Variants in AGAP1 observed in about 807,000 individuals in gnomAD.
The protein encoded by AGAP1 is ArfGAP with GTPase domain, ankyrin repeat and PH domain 1.
AGAP1 carries 29 observed loss-of-function variants against 105.3 expected under a neutral mutation model. The observed-to-expected ratio is 0.28, with a 90% CI of 0.21 to 0.38. The LOEUF is 0.38. Ranked by LOEUF, AGAP1 falls within the 10% of genes least tolerant of loss-of-function variation. The pLI is 1.00. For missense variants in AGAP1, 998 were observed against 1,165.1 expected (o/e 0.86, Z 2.09); for synonymous variants, 509 against 485.9 (o/e 1.05, Z -0.63).
intron 9 of AGAP1, among the ~76,000 whole-genome samples, chr2:235,857,144 A>G (rs976318570): frequency 6.6e-6 from 1 of 152,176 alleles, no homozygotes; most frequent in Non-Finnish European, 1.5e-5. Flanking sequence ...CCACACAGCA[A>G]GAGGTGAGCG....
Position 235,843,586 on chromosome 2 carries a change from G to A in AGAP1, c.1050+36255G>A, listed in dbSNP as rs1961117423. On this transcript the variant is annotated intron_variant, in intron 9 of 17. Transcript: ENST00000304032. The surrounding 1 kb of genome is among the most constrained non-coding windows in gnomAD (Gnocchi z 5.9). ...TGCAGCCTCTAGGTGCCCTGTCTTG[G>A]CCAGCAGCACTTGCCTTCTCTTCCC... Among the ~76,000 whole-genome samples, 1 of 152,032 alleles carries A rather than the reference G, an allele frequency of 6.6e-6. No individual in the cohort carries two copies. Among genetic ancestry groups the A allele is most frequent in the African/African-American group, 2.4e-5 (1 of 41,380 alleles).
At chr2:235,926,918 T>C (rs2052476880) in intron 11 of AGAP1, among the ~76,000 whole-genome samples, 2 of 152,184 alleles carry the variant, frequency 1.3e-5, no homozygotes, top group Admixed American at 6.5e-5. Context: ...ATGCTTTCAT[T>C]TTCTAAGTGA....
chr2:235,738,388 C>T (rs1008042316), intron 3 of AGAP1, among the ~76,000 whole-genome samples: 1 of 151,888 alleles, frequency 6.6e-6, no homozygotes, highest in African/African-American at 2.4e-5. Flanking sequence ...AGGCATCGAG[C>T]AGTTGAGTTA....
At chr2:235,775,076 T>G (rs973441976) in intron 6 of AGAP1, among the ~76,000 whole-genome samples, 6 of 152,074 alleles carry the variant, frequency 3.9e-5, no homozygotes, top group African/African-American at 1.5e-4. Context: ...AAGGACTGGG[T>G]GAACAGAAGG....
At chr2:235,668,708 A>G (rs1239666507) in intron 1 of AGAP1, among the ~76,000 whole-genome samples, 1 of 152,264 alleles carries the variant, frequency 6.6e-6, no homozygotes, top group Non-Finnish European at 1.5e-5. Context: ...CCCACCAGGT[A>G]GGAAATCGAG....
intron 1 of AGAP1, among the ~76,000 whole-genome samples, chr2:235,554,789 C>T (rs1943921873): frequency 6.6e-6 from 1 of 152,172 alleles, no homozygotes; most frequent in African/African-American, 2.4e-5. Context: ...CCTGCCTCAG[C>T]CTCCCGTGTA....
chr2:235,797,455 T>C (rs1957294774), intron 6 of AGAP1, among the ~76,000 whole-genome samples: 1 of 151,596 alleles, frequency 6.6e-6, no homozygotes, highest in Non-Finnish European at 1.5e-5. Flanking sequence ...TACGAGAATT[T>C]AGGCAAAGGG....
chr2:235,534,065 C>T (rs1056879978), intron 1 of AGAP1, among the ~76,000 whole-genome samples: 7 of 152,310 alleles, frequency 4.6e-5, no homozygotes, highest in East Asian at 1.9e-4. Context: ...CCGTCGCTGT[C>T]GATGCTACAG....
intron 1 of AGAP1, among the ~76,000 whole-genome samples, chr2:235,658,956 C>G (rs561670822): frequency 5.9e-5 from 9 of 152,338 alleles, no homozygotes; most frequent in African/African-American, 2.2e-4. Context: ...TCTCTGCCCT[C>G]CCTCCTCCTC....
At chr2:236,015,349 C>T (rs2056659388) in intron 13 of AGAP1, among the ~76,000 whole-genome samples, 1 of 150,776 alleles carries the variant, frequency 6.6e-6, no homozygotes, top group South Asian at 2.1e-4. Context: ...AGCTCTAATC[C>T]ACAGGCAGGC....
Position 235,927,306 on chromosome 2 carries a change from G to C in AGAP1, c.1325-3459G>C, listed in dbSNP as rs557065688. 3.3e-5 allele frequency among the ~76,000 whole-genome samples: 5 copies of C among 152,288 alleles called. No individual in the cohort carries two copies. The East Asian group carries it at 9.6e-4, about 29-fold the overall frequency. The stretch of plus-strand genomic sequence containing the variant: ...TCGTCACCCCAGAGGTTCCAGGTTG[G>C]TTCCTTGGGGACTCTCTCAGGAGGC... On this transcript the variant is annotated intron_variant, in intron 11 of 17. Transcript: ENST00000304032. The surrounding 1 kb of genome is among the most constrained non-coding windows in gnomAD (Gnocchi z 4.4).
At chr2:235,941,232 C>T (rs988537600) in intron 12 of AGAP1, among the ~76,000 whole-genome samples, 2 of 152,156 alleles carry the variant, frequency 1.3e-5, no homozygotes, top group Admixed American at 1.3e-4. Flanking sequence ...ACTGGTTTTC[C>T]TCCCTCGGAT....
intron 1 of AGAP1, among the ~76,000 whole-genome samples, chr2:235,707,610 G>T (rs568493725): frequency 7.8e-6 from 1 of 128,436 alleles, no homozygotes; most frequent in South Asian, 3.0e-4. Flanking sequence ...CTCCCCCGGC[G>T]TGTGACTTGG....
At chr2:235,673,051 T>A (rs1039134314) in intron 1 of AGAP1, among the ~76,000 whole-genome samples, 1 of 152,202 alleles carries the variant, frequency 6.6e-6, no homozygotes, top group Non-Finnish European at 1.5e-5. Flanking sequence ...AGGGCCTCAC[T>A]TTTTTCTGAA....
At chr2:235,978,486 C>T (rs1354797450) in intron 13 of AGAP1, among the ~76,000 whole-genome samples, 1 of 152,222 alleles carries the variant, frequency 6.6e-6, no homozygotes, top group Non-Finnish European at 1.5e-5. Context: ...TACCTCATTG[C>T]ATCCTTAAAA....
At chr2:235,823,871 C>T (rs1020038297) in intron 9 of AGAP1, among the ~76,000 whole-genome samples, 1 of 152,128 alleles carries the variant, frequency 6.6e-6, no homozygotes, top group Non-Finnish European at 1.5e-5. Flanking sequence ...CTAGCAGGCT[C>T]ATTGATTCCC....
intron 1 of AGAP1, among the ~76,000 whole-genome samples, chr2:235,581,355 G>A (rs1352179992): frequency 6.6e-6 from 1 of 151,052 alleles, no homozygotes; most frequent in Admixed American, 6.6e-5. Context: ...CTTGGAGGTT[G>A]CACACTGTTC....
At chr2:235,911,432 T>A (rs2051610074) in intron 11 of AGAP1, among the ~76,000 whole-genome samples, 1 of 152,126 alleles carries the variant, frequency 6.6e-6, no homozygotes, top group Non-Finnish European at 1.5e-5. Flanking sequence ...GGATAGGAAT[T>A]TGCCAGGCAC....
intron 16 of AGAP1, among the ~76,000 whole-genome samples, chr2:236,052,899 A>G (rs1028803469): frequency 6.6e-6 from 1 of 152,224 alleles, no homozygotes; most frequent in East Asian, 1.9e-4. Flanking sequence ...ATACCATTTA[A>G]GCACACACTT....
Sources: allele counts gnomAD v4.1 joint callset (sites outside exome capture counted in the v4.1 genomes callset), GRCh38; gene constraint gnomAD v4.1.1; non-coding constraint Gnocchi (gnomAD v3.1); transcripts MANE v1.5; gene names NCBI Gene and HGNC (gene_info 2026-07-23, HGNC 2026-07-21).